The following OTUD7A variants were observed in gnomAD, a reference collection of about 807,000 sequenced individuals.
The protein encoded by OTUD7A is OTU domain-containing protein 7A.
In OTUD7A, 12 loss-of-function variants were observed where a neutral mutation model predicts 65.7. The observed-to-expected ratio is 0.18, with a 90% CI of 0.12 to 0.30. The LOEUF (loss-of-function observed/expected upper bound fraction) is 0.30. Among genes scored for constraint, OTUD7A ranks in the 10% least tolerant of loss-of-function variants. OTUD7A has a pLI of 1.00. For missense variants in OTUD7A, 1,148 were observed against 1,304.8 expected (o/e 0.88, Z 1.85); for synonymous variants, 641 against 586.3 (o/e 1.09, Z -1.35).
At chr15:31,515,218 T>C (rs2041825315) in intron 8 of OTUD7A, among the ~76,000 whole-genome samples, 1 of 152,092 alleles carries the variant, frequency 6.6e-6, no homozygotes, top group South Asian at 2.1e-4. Flanking sequence ...GGAGCTGCTC[T>C]TGAGTCAGGT....
chr15:31,720,001 A>G (rs970413884), intron 1 of OTUD7A, among the ~76,000 whole-genome samples: 6 of 152,230 alleles, frequency 3.9e-5, no homozygotes, highest in Non-Finnish European at 7.3e-5. Flanking sequence ...CATATATACT[A>G]TATTTTTTCC....
intron 3 of OTUD7A, among the ~76,000 whole-genome samples, chr15:31,598,769 G>A (rs915065848): frequency 1.3e-5 from 2 of 152,176 alleles, no homozygotes; most frequent in African/African-American, 4.8e-5. Flanking sequence ...TGAAATTCTC[G>A]CTGCTAGCAC....
chr15:31,718,101 C>T (rs1338971367), intron 1 of OTUD7A, among the ~76,000 whole-genome samples: 1 of 152,084 alleles, frequency 6.6e-6, no homozygotes, highest in Non-Finnish European at 1.5e-5. Flanking sequence ...ATGCTCTGTC[C>T]CCTGTGAACC....
intron 4 of OTUD7A, among the ~76,000 whole-genome samples, chr15:31,563,377 A>G (rs914572078): frequency 6.6e-6 from 1 of 152,236 alleles, no homozygotes; most frequent in Non-Finnish European, 1.5e-5. Context: ...AGTCAGGTCT[A>G]ATGGCAGAAA....
At chr15:31,609,803 G>T (rs1339856678) in intron 3 of OTUD7A, among the ~76,000 whole-genome samples, 2 of 152,056 alleles carry the variant, frequency 1.3e-5, no homozygotes, top group Non-Finnish European at 2.9e-5. Context: ...AGCTAAGAAC[G>T]CTCACAGAGT....
chr15:31,825,514 T>A (rs1896777164), intron 1 of OTUD7A, among the ~76,000 whole-genome samples: 1 of 152,338 alleles, frequency 6.6e-6, no homozygotes, highest in African/African-American at 2.4e-5. Context: ...ATGTAGGAAT[T>A]CTGGGAGTAC....
chr15:31,775,399 A>G (rs987469296), intron 1 of OTUD7A, among the ~76,000 whole-genome samples: 2 of 152,030 alleles, frequency 1.3e-5, no homozygotes, highest in African/African-American at 4.8e-5. Context: ...TGGAGTTTAT[A>G]CTCCAATAAG....
At chr15:31,788,503 T>C (rs888492258) in intron 1 of OTUD7A, among the ~76,000 whole-genome samples, 2 of 152,204 alleles carry the variant, frequency 1.3e-5, no homozygotes, top group African/African-American at 2.4e-5. Flanking sequence ...GTTTCGATGA[T>C]ACAGGTTAAC....
chr15:31,478,817 C>T lies in OTUD7A; in HGVS notation c.*4477G>A, dbSNP rs2041066701. 1 of 152,428 alleles carries T rather than the reference C, an allele frequency of 6.6e-6. No individual in the cohort carries two copies. The highest frequency in any genetic ancestry group is 6.6e-5 in the Admixed American group (1 of 15,260). 9.4% of individuals were successfully genotyped at this position (152,428 alleles called of 1,614,324 possible). On this transcript the variant is annotated 3_prime_UTR_variant, in exon 13 of 13. Transcript: ENST00000307050. ...AGAGTGGTCCAGCCTGGATGTGCCG[C>T]AGGGCCTCCTGGGGTGAGCGTGGGG...
intron 1 of OTUD7A, among the ~76,000 whole-genome samples, chr15:31,781,966 G>C (rs1210029921): frequency 2.6e-5 from 4 of 152,220 alleles, no homozygotes; most frequent in African/African-American, 7.2e-5. Context: ...TCAATTGCTA[G>C]TGAGAATTGA....
At chr15:31,708,308 A>G (rs1347473902) in intron 1 of OTUD7A, among the ~76,000 whole-genome samples, 1 of 152,158 alleles carries the variant, frequency 6.6e-6, no homozygotes, top group Non-Finnish European at 1.5e-5. Flanking sequence ...ATGAATCAGC[A>G]GATTTAAAAA....
intron 5 of OTUD7A, chr15:31,557,781 C>G (rs201674582): frequency 6.6e-6 from 1 of 152,200 alleles, no homozygotes; most frequent in East Asian, 1.9e-4. Context: ...ATCATACCAA[C>G]CTACAGGTAC....
Position 31,526,001 on chromosome 15 carries a change from G to A in OTUD7A, c.893+348C>T, listed in dbSNP as rs571095181. Among the ~76,000 whole-genome samples, 8 of 152,318 alleles carry A rather than the reference G, an allele frequency of 5.3e-5. 1 individual carries two copies. The highest frequency in any genetic ancestry group is 3.3e-4 in the Admixed American group (5 of 15,304). On this transcript the variant is annotated intron_variant, in intron 8 of 12. Transcript: ENST00000307050. ...AATGTGTGGGAATGCTCACCATCAC[G>A]TGTGACCTCCAGAGGCCTGCTGTGC... is the stretch of plus-strand genomic sequence containing the variant.
At chr15:31,494,325 CTT>C (rs1187432228) in intron 10 of OTUD7A, among the ~76,000 whole-genome samples, 7 of 152,206 alleles carry the variant, frequency 4.6e-5, no homozygotes, top group South Asian at 2.1e-4. Context: ...CTTTCTCTCT[CTT>C]GGCCACGTGA....
intron 8 of OTUD7A, among the ~76,000 whole-genome samples, chr15:31,506,311 G>C (rs893315912): frequency 2.0e-5 from 3 of 151,812 alleles, no homozygotes; most frequent in African/African-American, 7.3e-5. Context: ...GGCGTTTTCA[G>C]TGTAATTTAT....
intron 1 of OTUD7A, among the ~76,000 whole-genome samples, chr15:31,795,904 C>T (rs998920351): frequency 3.9e-5 from 6 of 152,122 alleles, no homozygotes; most frequent in Non-Finnish European, 8.8e-5. Context: ...CATGCCCTAC[C>T]GGAAGCATGG....
intron 1 of OTUD7A, among the ~76,000 whole-genome samples, chr15:31,798,197 G>C (rs1425046855): frequency 6.6e-6 from 1 of 152,108 alleles, no homozygotes; most frequent in Non-Finnish European, 1.5e-5. Context: ...CATCAACACA[G>C]GCATTTTGTG....
intron 1 of OTUD7A, among the ~76,000 whole-genome samples, chr15:31,801,471 T>C (rs901619893): frequency 1.3e-5 from 2 of 152,218 alleles, no homozygotes; most frequent in Non-Finnish European, 2.9e-5. Context: ...CTGGGCTGGT[T>C]CTGAGCTGCC....
At chr15:31,615,320 G>A (rs1890553398) in intron 3 of OTUD7A, among the ~76,000 whole-genome samples, 2 of 152,116 alleles carry the variant, frequency 1.3e-5, no homozygotes, top group Admixed American at 6.5e-5. Flanking sequence ...AAGAGCTAAT[G>A]TAGAAAAACC....
Sources: gnomAD v4.1 joint callset for allele counts (sites outside exome capture counted in the v4.1 genomes callset) on GRCh38, gnomAD v4.1.1 for gene constraint, MANE v1.5 for transcripts, NCBI Gene and HGNC (gene_info 2026-07-23, HGNC 2026-07-21) for gene names.